Variants in MTPAP observed in about 807,000 individuals in gnomAD.
The protein encoded by MTPAP is poly(A) RNA polymerase, mitochondrial.
A neutral mutation model predicts 48.7 loss-of-function variants in MTPAP; 23 were observed. That is an observed-to-expected ratio of 0.47 (90% confidence interval 0.34 to 0.67). MTPAP has a LOEUF of 0.67. Among genes scored for constraint, MTPAP ranks in the 30% least tolerant of loss-of-function variants. MTPAP has a pLI of 0.01. For synonymous variants in MTPAP, 257 were observed against 254.1 expected (o/e 1.01, Z -0.11); for missense variants, 614 against 694.3 (o/e 0.88, Z 1.30).
intron 6 of MTPAP, among the ~76,000 whole-genome samples, chr10:30,318,236 G>GT (rs919638881): frequency 1.2e-4 from 19 of 152,028 alleles, no homozygotes; most frequent in African/African-American, 4.1e-4. Flanking sequence ...CATTTTTTGT[G>GT]TTTTTTGTCA....
At chr10:30,344,167 T>C (rs1834844066) in intron 1 of MTPAP, among the ~76,000 whole-genome samples, 2 of 152,208 alleles carry the variant, frequency 1.3e-5, no homozygotes, top group Admixed American at 1.3e-4. Flanking sequence ...GCTTGCACCA[T>C]GTCCCATCTC....
chr10:30,313,987 C>T lies in MTPAP; in HGVS notation c.1387-16G>A. ...GCTCCCTTCCCTATAGATTATTACA[C>T]AGAAGAAAAAATGAGTAAGTACATG... is the stretch of plus-strand genomic sequence containing the variant. On this transcript the variant is annotated splice_polypyrimidine_tract_variant and intron_variant, in intron 8 of 8. Coordinates refer to ENST00000263063, the MANE Select transcript of MTPAP (RefSeq NM_018109.4). The T allele has an allele frequency of 6.2e-7, 1 of 1,610,742 alleles. No homozygotes were observed. The highest frequency in any genetic ancestry group is 8.5e-7 in the Non-Finnish European group (1 of 1,177,854).
intron 4 of MTPAP, among the ~76,000 whole-genome samples, chr10:30,332,514 G>C (rs111668531): frequency 2.0e-5 from 3 of 152,046 alleles, no homozygotes; most frequent in African/African-American, 4.8e-5. Context: ...GGCTGGTCTC[G>C]AACTCCTGAC....
At chr10:30,332,387 G>T (rs2246964) in intron 4 of MTPAP, among the ~76,000 whole-genome samples, 1 of 151,972 alleles carries the variant, frequency 6.6e-6, no homozygotes, top group African/African-American at 2.4e-5. Context: ...CTGCCTCACC[G>T]GGTTCAAGCA....
At chr10:30,339,567 T>C (rs1015675621) in intron 3 of MTPAP, among the ~76,000 whole-genome samples, 2 of 151,762 alleles carry the variant, frequency 1.3e-5, no homozygotes, top group African/African-American at 2.4e-5. Flanking sequence ...TATGTCATTA[T>C]GCTGGAAAGA....
intron 6 of MTPAP, among the ~76,000 whole-genome samples, chr10:30,320,274 TC>T (rs1310596388): frequency 6.7e-6 from 1 of 150,340 alleles, no homozygotes; most frequent in Non-Finnish European, 1.5e-5. Context: ...ACGCCTGTAA[TC>T]CCAACACTTT....
rs373808150 is a variant in MTPAP at position 30,329,314 on chromosome 10, A to G, written c.781-2679T>C. ...TGCAACCAAGCTCACTGCAGCCTCAACCTCCTAGACTCAAGCAATCCTCCA... is the reference window on the plus strand; with the variant it reads ...TGCAACCAAGCTCACTGCAGCCTCAGCCTCCTAGACTCAAGCAATCCTCCA... On this transcript the variant is annotated intron_variant, in intron 4 of 8. Transcript: ENST00000263063. 1.3e-4 allele frequency among the ~76,000 whole-genome samples: 20 copies of G among 151,962 alleles called. No homozygotes were observed. The East Asian group carries it at 3.9e-3, about 30-fold the overall frequency.
intron 6 of MTPAP, 85 bp from the exon 7 acceptor site, chr10:30,316,295 T>G: frequency 1.9e-6 from 2 of 1,039,018 alleles, no homozygotes; most frequent in South Asian, 2.7e-5. Context: ...CAGGCTGGAG[T>G]GTAGCGGCAT....
chr10:30,327,386 C>A (rs1222605558), intron 4 of MTPAP, among the ~76,000 whole-genome samples: 1 of 145,066 alleles, frequency 6.9e-6, no homozygotes, highest in African/African-American at 2.6e-5. Flanking sequence ...ATAATCCCAG[C>A]TACCCGGGAG....
chr10:30,348,609 G>C (rs916003280), intron 1 of MTPAP, among the ~76,000 whole-genome samples: 1 of 152,102 alleles, frequency 6.6e-6, no homozygotes, highest in African/African-American at 2.4e-5. Flanking sequence ...AGACTGATTT[G>C]GTTCAAAATG....
At chr10:30,332,038 G>C (rs1332633691) in intron 4 of MTPAP, among the ~76,000 whole-genome samples, 1 of 152,228 alleles carries the variant, frequency 6.6e-6, no homozygotes, top group Non-Finnish European at 1.5e-5. Flanking sequence ...GCAAGGTGTA[G>C]TGTGAAAAGA....
At chr10:30,336,107 G>GT (rs1255187765) in intron 4 of MTPAP, among the ~76,000 whole-genome samples, 1 of 152,104 alleles carries the variant, frequency 6.6e-6, no homozygotes, top group African/African-American at 2.4e-5. Context: ...ATTATCAGCA[G>GT]TAACAATAAA....
rs1050574066 is a variant in MTPAP, at chr10:30,322,634, T to C, written c.993-17A>G. 4 of 1,570,498 alleles carry C rather than the reference T, an allele frequency of 2.5e-6. No homozygotes were observed. The South Asian group carries it at 3.4e-5, about 13-fold the overall frequency. ...AAGGCAATCCTTCAAAAAATAAAAA[T>C]AAGAAAAATGTTCAAATCCCCAAAT... On this transcript the variant is annotated splice_polypyrimidine_tract_variant and intron_variant, in intron 5 of 8. Coordinates refer to ENST00000263063, the MANE Select transcript of MTPAP (RefSeq NM_018109.4).
In MTPAP at chr10:30,314,009, C is replaced by A. The variant is rs200827129; in HGVS notation, c.1387-38G>T. 170 of 1,598,928 alleles carry A rather than the reference C, an allele frequency of 1.1e-4. 1 individual carries two copies. The Middle Eastern group carries it at 1.9e-3, about 18-fold the overall frequency. On this transcript the variant is annotated intron_variant, in intron 8 of 8. Coordinates refer to ENST00000263063, the MANE Select transcript of MTPAP (RefSeq NM_018109.4). ...ACACAGAAGAAAAAATGAGTAAGTA[C>A]ATGAAGGGCTTAAATATAAAAACAG...
intron 3 of MTPAP, among the ~76,000 whole-genome samples, chr10:30,337,806 T>C (rs1051842931): frequency 6.6e-6 from 1 of 152,064 alleles, no homozygotes; most frequent in Non-Finnish European, 1.5e-5. Context: ...AAACTAGAAA[T>C]ACTCAAGTAA....
intron 3 of MTPAP, among the ~76,000 whole-genome samples, chr10:30,339,252 C>T (rs953871746): frequency 1.3e-5 from 2 of 151,986 alleles, no homozygotes; most frequent in East Asian, 1.9e-4. Context: ...TTTGGGAGGC[C>T]GAAGTGGGCA....
intron 1 of MTPAP, chr10:30,348,762 A>G: frequency 3.7e-6 from 1 of 270,536 alleles, no homozygotes; most frequent in Non-Finnish European, 7.2e-6. Flanking sequence ...AAATATACGT[A>G]CACGATGCAG....
chr10:30,313,044 T>C lies in MTPAP; in HGVS notation c.*565A>G, dbSNP rs766591470. The C allele has an allele frequency of 1.9e-5, 3 of 154,898 alleles. No individual in the cohort carries two copies. The highest frequency in any genetic ancestry group is 4.3e-5 in the Non-Finnish European group (3 of 69,882). The allele number at this position is 154,898 out of a possible 1,614,324, so 9.6% of individuals were successfully genotyped here. The stretch of plus-strand genomic sequence containing the variant: ...TTCGCTTGAAAAATACAAATATACA[T>C]ATTCGAGAGCACTACCAAATTTTGA... On this transcript the variant is annotated 3_prime_UTR_variant, in exon 9 of 9. Coordinates refer to ENST00000263063, the MANE Select transcript of MTPAP (RefSeq NM_018109.4).
chr10:30,334,891 T>A (rs1343598983), intron 4 of MTPAP, among the ~76,000 whole-genome samples: 1 of 152,162 alleles, frequency 6.6e-6, no homozygotes, highest in Admixed American at 6.5e-5. Context: ...GGAAACAGAA[T>A]GTAGTTACAA....
Sources: allele counts gnomAD v4.1 joint callset (sites outside exome capture counted in the v4.1 genomes callset), GRCh38; gene constraint gnomAD v4.1.1; transcripts MANE v1.5; gene names NCBI Gene and HGNC (gene_info 2026-07-23, HGNC 2026-07-21).